Variants in MYO15A observed in about 807,000 individuals in gnomAD.
The protein encoded by MYO15A is myosin XVA, also known as unconventional myosin-XV.
Under a neutral mutation model 394.6 loss-of-function variants are expected in MYO15A, and 308 were observed. The observed-to-expected ratio is 0.78, with a 90% CI of 0.71 to 0.86. MYO15A has a LOEUF of 0.86. Among genes scored for constraint, MYO15A ranks in the 40% least tolerant of loss-of-function variants. The pLI is 0.00. For synonymous variants in MYO15A, 1,957 were observed against 2,003.8 expected, an observed-to-expected ratio of 0.98 and a Z score of 0.62; for missense variants, 4,606 against 4,799.1, an observed-to-expected ratio of 0.96 and a Z score of 1.19.
chr17:18,171,696 T>C lies in MYO15A; in HGVS notation c.10141T>C (p.Trp3381Arg). ...QLYRTTAGST[W>R]LNLVSQHRQQ... ...CTACCGTACAACGGCAGGCTCGACC[T>C]GGCTCAACCTGGTCAGCCAGCACCG... The change falls in exon 63 of 66, where the codon TGG (tryptophan) becomes CGG (arginine). Residue 3381 changes from tryptophan (W) to arginine (R), a missense_variant. This residue lies in a region of MYO15A where 2,776 missense variants were observed against 3,109.3 expected (regional missense o/e 0.89). Coordinates refer to ENST00000647165, the MANE Select transcript of MYO15A (RefSeq NM_016239.4). 1 of 1,613,126 alleles carries C rather than the reference T, an allele frequency of 6.2e-7. No homozygotes were observed. Among genetic ancestry groups the C allele is most frequent in the Non-Finnish European group, 8.5e-7 (1 of 1,180,002 alleles).
Position 18,121,609 on chromosome 17 carries a change from C to A in MYO15A, c.2809C>A (p.Gln937Lys). 6.3e-7 allele frequency: 1 copy of A among 1,596,396 alleles called. No individual in the cohort carries two copies. Among genetic ancestry groups the A allele is most frequent in the Non-Finnish European group, 8.5e-7 (1 of 1,169,984 alleles). ...PSWDVDMPPT[Q>K]RPPSPWPGGA... Reference sequence around the variant, plus strand: ...CTGGGACGTGGACATGCCTCCCACCCAACGCCCACCCTCCCCCTGGCCAGG... The same window carrying A: ...CTGGGACGTGGACATGCCTCCCACCAAACGCCCACCCTCCCCCTGGCCAGG... The change falls in exon 2 of 66, where the codon CAA becomes AAA. Residue 937 changes from glutamine (Q) to lysine (K), a missense_variant. This residue lies in a region of MYO15A where 1,830 missense variants were observed against 1,689.7 expected (regional missense o/e 1.08). Coordinates refer to ENST00000647165, the MANE Select transcript of MYO15A (RefSeq NM_016239.4). This position sits in a 1 kb window ranked among gnomAD's most constrained non-coding sequence, Gnocchi z 5.3.
intron 1 of MYO15A, among the ~76,000 whole-genome samples, chr17:18,112,939 C>G (rs1459210533): frequency 6.6e-6 from 1 of 151,958 alleles, no homozygotes; most frequent in Non-Finnish European, 1.5e-5. Flanking sequence ...CCTCTGCCTC[C>G]CGGGTTCAAG....
intron 57 of MYO15A, 55 bp downstream of exon 57, chr17:18,161,502 G>A: frequency 3.7e-6 from 6 of 1,607,378 alleles, no homozygotes; most frequent in South Asian, 3.3e-5. Context: ...TTGGGGACTG[G>A]GTGGACAGCT....
Position 18,147,885 on chromosome 17 carries a change from C to T in MYO15A, c.6510-144C>T. On this transcript the variant is annotated intron_variant, in intron 30 of 65. Transcript: ENST00000647165. This position sits in a 1 kb window ranked among gnomAD's most constrained non-coding sequence, Gnocchi z 4.4. ...GGGACCCTTGTGAACCAGCCTGGAG[C>T]CTTTTTAGCCTCACCTTGGAGCTCT... The T allele has an allele frequency of 9.7e-7, 1 of 1,031,048 alleles. No homozygotes were observed. The highest frequency in any genetic ancestry group is 1.5e-6 in the Non-Finnish European group (1 of 678,176). The allele number at this position is 1,031,048 out of a possible 1,614,324, so 63.9% of individuals were successfully genotyped here. A position where few individuals can be genotyped will look rare whatever the true frequency, so the allele number is the denominator to read the frequency against.
chr17:18,136,716 G>T, intron 15 of MYO15A, 30 bp downstream of exon 15: 1 of 1,568,974 alleles, frequency 6.4e-7, no homozygotes, highest in South Asian at 1.1e-5. Flanking sequence ...TGAGGGGCGG[G>T]GGACATAGGC....
chr17:18,112,269 C>G (rs540990318), intron 1 of MYO15A, among the ~76,000 whole-genome samples: 10 of 137,168 alleles, frequency 7.3e-5, no homozygotes, highest in African/African-American at 2.4e-4. Context: ...TGTTACATGA[C>G]ACTGGGGTGG....
chr17:18,131,463 C>T lies in MYO15A; in HGVS notation c.4143-5C>T, dbSNP rs1007282433. On this transcript the variant is annotated splice_region_variant and splice_polypyrimidine_tract_variant and intron_variant, in intron 9 of 65. Transcript: ENST00000647165. ...ACTGAGAGCTGACTGTGCTCCCCAC[C>T]CCAGGGGCGTGATCTCTGGTGCCAT... The T allele has an allele frequency of 3.7e-6, 6 of 1,613,908 alleles. No homozygotes were observed. Among genetic ancestry groups the T allele is most frequent in the Non-Finnish European group, 5.1e-6 (6 of 1,179,956 alleles).
intron 47 of MYO15A, 60 bp from the exon 48 acceptor site, chr17:18,156,135 A>C: frequency 6.2e-7 from 1 of 1,612,516 alleles, no homozygotes; most frequent in Non-Finnish European, 8.5e-7. Context: ...GAAGCAGCAC[A>C]ATAGGTGGAA....
At chr17:18,156,170 G>T in intron 47 of MYO15A, 25 bp from the exon 48 acceptor site, 1 of 1,613,908 alleles carries the variant, frequency 6.2e-7, no homozygotes. Context: ...TGGCAGGGGA[G>T]TCATGCCACC....
intron 22 of MYO15A, 58 bp from the exon 23 acceptor site, chr17:18,141,595 C>A: frequency 6.6e-7 from 1 of 1,516,618 alleles, no homozygotes; most frequent in South Asian, 1.1e-5. Context: ...ACCCCATGGT[C>A]TAGCAGACAC....
rs1458596743 is a variant in MYO15A at position 18,178,818 on chromosome 17, G to A, written c.10541G>A (p.Ser3514Asn). The change falls in exon 66 of 66, where the codon AGT becomes AAT. Residue 3514 changes from serine to asparagine, a missense_variant. Ser to Asn is a conservative substitution (Grantham distance 46). Coordinates refer to ENST00000647165, the MANE Select transcript of MYO15A (RefSeq NM_016239.4). ...GCCGTGCACGTGGAGAACCTGCTCA[G>A]TGCCCATGAGAAGCGGCTCACATTG... The part of the protein sequence containing the change: ...VVAVHVENLL[S>N]AHEKRLTLPP... The A allele has an allele frequency of 6.2e-7, 1 of 1,613,958 alleles. No homozygotes were observed. The highest frequency in any genetic ancestry group is 8.5e-7 in the Non-Finnish European group (1 of 1,180,028).
In MYO15A at chr17:18,167,313, C is replaced by T. The variant is rs555343930; in HGVS notation, c.9949-277C>T. 2.0e-4 allele frequency among the ~76,000 whole-genome samples: 31 copies of T among 152,308 alleles called. 1 individual carries two copies. Among genetic ancestry groups the T allele is most frequent in the Admixed American group, 8.5e-4 (13 of 15,300 alleles). On this transcript the variant is annotated intron_variant, in intron 61 of 65. Coordinates refer to ENST00000647165, the MANE Select transcript of MYO15A (RefSeq NM_016239.4). ...ACAGCAGGCCTGATAGATACATGTC[C>T]ACACTGCAGTGTTGATGCTCTGCTC...
rs911564642 is a variant in MYO15A, at chr17:18,121,204, C to G, written c.2404C>G (p.Arg802Gly). 2 of 1,501,880 alleles carry G rather than the reference C, an allele frequency of 1.3e-6. No individual in the cohort carries two copies. Among genetic ancestry groups the G allele is most frequent in the East Asian group, 2.8e-5 (1 of 36,116 alleles). 93.0% of individuals were successfully genotyped at this position (1,501,880 alleles called of 1,614,324 possible). A position where few individuals can be genotyped will look rare whatever the true frequency, so the allele number is the denominator to read the frequency against. The change falls in exon 2 of 66, where the codon CGC (arginine) becomes GGC (glycine). Residue 802 changes from arginine (R) to glycine (G), a missense_variant. Transcript: ENST00000647165. The surrounding 1 kb of genome is among the most constrained non-coding windows in gnomAD (Gnocchi z 5.3). ...GCCCCCGTCGCCTCAGCTGTCCTTG[C>G]GCACGGGCCCCTTCCAGCCGCCCTT... ...LAPPSPQLSL[R>G]TGPFQPPFLP...
At position 18,164,271 on chromosome 17, in the gene MYO15A, C is replaced by T. The variant is rs148449486; in HGVS notation, c.9787+433C>T. On this transcript the variant is annotated intron_variant, in intron 60 of 65. Coordinates refer to ENST00000647165, the MANE Select transcript of MYO15A (RefSeq NM_016239.4). ...CTCCCGAGGTGTCACTAGCCCCTCT[C>T]GAGGGCTCCTGGGACCCTAGGTGAC... The T allele has an allele frequency of 1.8e-4, 48 of 263,982 alleles. No individual in the cohort carries two copies. In the East Asian group the frequency reaches 3.0e-3, roughly 16 times the overall value. 16.4% of individuals were successfully genotyped at this position (263,982 alleles called of 1,614,324 possible). A position where few individuals can be genotyped will look rare whatever the true frequency, so the allele number is the denominator to read the frequency against.
At chr17:18,157,568 C>A in intron 50 of MYO15A, 154 bp from the exon 51 acceptor site, 2 of 1,405,668 alleles carry the variant, frequency 1.4e-6, no homozygotes, top group Non-Finnish European at 1.9e-6. Context: ...TTTCCCTGAG[C>A]CTGTTTCCTC....
chr17:18,158,517 C>A lies in MYO15A; in HGVS notation c.8968-6C>A. 6.2e-7 allele frequency: 1 copy of A among 1,613,796 alleles called. No individual in the cohort carries two copies. Among genetic ancestry groups the A allele is most frequent in the Non-Finnish European group, 8.5e-7 (1 of 1,179,748 alleles). ...CTGGGCCTTCCTAGCTCCGCCTCTTCTGCAGGGTCCCCCAGTCAGGGCCCG... is the reference window on the plus strand; with the variant it reads ...CTGGGCCTTCCTAGCTCCGCCTCTTATGCAGGGTCCCCCAGTCAGGGCCCG... On this transcript the variant is annotated splice_region_variant and splice_polypyrimidine_tract_variant and intron_variant, in intron 51 of 65. Transcript: ENST00000647165.
rs1217492313 is a variant in MYO15A at position 18,121,668 on chromosome 17, AC to A, written c.2873del (p.Pro958LeufsTer28). On this transcript the variant is annotated frameshift_variant, in exon 2 of 66. Coordinates refer to ENST00000647165, the MANE Select transcript of MYO15A (RefSeq NM_016239.4). LOFTEE classifies it high-confidence loss of function. This position sits in a 1 kb window ranked among gnomAD's most constrained non-coding sequence, Gnocchi z 5.3. The part of the protein sequence containing the change: ...AGSRRGFSRP[P>X]PVPENPFLQL... ...GCAGCCGCCGAGGCTTTTCCAGGCCACCCCCTGTGCCGGAAAACCCCTTTCT... is the reference window on the plus strand; with the variant it reads ...GCAGCCGCCGAGGCTTTTCCAGGCCACCCCTGTGCCGGAAAACCCCTTTCT... 5 of 1,319,430 alleles carry A rather than the reference AC, an allele frequency of 3.8e-6. No homozygotes were observed. Among genetic ancestry groups the A allele is most frequent in the Non-Finnish European group, 5.0e-6 (5 of 1,001,492 alleles). The allele number at this position is 1,319,430 out of a possible 1,614,324, so 81.7% of individuals were successfully genotyped here. A position where few individuals can be genotyped will look rare whatever the true frequency, so the allele number is the denominator to read the frequency against.
At position 18,144,014 on chromosome 17, in the gene MYO15A, G is replaced by GA; in HGVS notation, c.6177+16dup. Reference sequence around the variant, plus strand: ...TGCCACTTCAAGGTAAGGGCTAGCTGAAGTCCAAGGCTCCCTGGCTGATAG... The same window carrying GA: ...TGCCACTTCAAGGTAAGGGCTAGCTGAAAGTCCAAGGCTCCCTGGCTGATAG... On this transcript the variant is annotated intron_variant, in intron 28 of 65. Transcript: ENST00000647165. The GA allele has an allele frequency of 1.2e-6, 2 of 1,613,306 alleles. No individual in the cohort carries two copies. The highest frequency in any genetic ancestry group is 1.7e-6 in the Non-Finnish European group (2 of 1,179,990).
At chr17:18,131,040 G>T (rs149664359) in intron 8 of MYO15A, among the ~76,000 whole-genome samples, 199 bp from the exon 9 acceptor site, 1 of 151,826 alleles carries the variant, frequency 6.6e-6, no homozygotes, top group African/African-American at 2.4e-5. Context: ...CTGTGTGGGA[G>T]TTGGGCAGCA....
Sources: allele counts gnomAD v4.1 joint callset (sites outside exome capture counted in the v4.1 genomes callset), GRCh38; gene constraint gnomAD v4.1.1; regional missense constraint gnomAD v4.1.1; non-coding constraint Gnocchi (gnomAD v3.1); transcripts MANE v1.5; gene names NCBI Gene and HGNC (gene_info 2026-07-23, HGNC 2026-07-21).